RTN1: variants seen among roughly 807,000 people sequenced by gnomAD.
RTN1 encodes the protein reticulon 1, also known as reticulon-1.
Under a neutral mutation model 65.5 loss-of-function variants are expected in RTN1, and 25 were observed. That is an observed-to-expected ratio of 0.38 (90% CI 0.28 to 0.53). The LOEUF is 0.53. Among genes scored for constraint, RTN1 ranks in the 20% least tolerant of loss-of-function variants. The pLI is 0.79. For synonymous variants in RTN1, 471 were observed against 447.6 expected (o/e 1.05, Z -0.66); for missense variants, 983 against 1,025.4 (o/e 0.96, Z 0.57).
At chr14:59,817,167 T>A (rs1417497434) in intron 1 of RTN1, among the ~76,000 whole-genome samples, 1 of 152,152 alleles carries the variant, frequency 6.6e-6, no homozygotes, top group African/African-American at 2.4e-5. Flanking sequence ...ACGAGCGTGA[T>A]GGTCCCTGTT....
chr14:59,659,296 A>G (rs1397359641), intron 3 of RTN1, among the ~76,000 whole-genome samples: 1 of 152,234 alleles, frequency 6.6e-6, no homozygotes, highest in Non-Finnish European at 1.5e-5. Context: ...GGAGAATGGA[A>G]CCAAGTTGGA....
chr14:59,860,649 A>G (rs1188777427), intron 1 of RTN1, among the ~76,000 whole-genome samples: 3 of 152,206 alleles, frequency 2.0e-5, no homozygotes, highest in African/African-American at 7.2e-5. Context: ...GCCTATGAAA[A>G]GAGCCAGGAG....
chr14:59,688,528 T>C (rs1475986044), intron 3 of RTN1, among the ~76,000 whole-genome samples: 2 of 152,068 alleles, frequency 1.3e-5, no homozygotes, highest in Non-Finnish European at 2.9e-5. Context: ...GTGCACACCA[T>C]AAACCAGCCC....
At chr14:59,607,260 A>T in intron 4 of RTN1, 25 bp downstream of exon 4, 1 of 1,605,394 alleles carries the variant, frequency 6.2e-7, no homozygotes, top group East Asian at 2.2e-5. Flanking sequence ...TCAGTGGGTG[A>T]GGGCTCCTCA....
Position 59,746,557 on chromosome 14 carries a change from C to A in RTN1, c.242-76G>T, listed in dbSNP as rs894006137. The A allele has an allele frequency of 1.7e-5, 22 of 1,281,300 alleles. No homozygotes were observed. In the African/African-American group the frequency reaches 3.0e-4, roughly 17 times the overall value. The allele number at this position is 1,281,300 out of a possible 1,614,324, so 79.4% of individuals were successfully genotyped here. ...TCTCTCTTGTCTAACCCACCACCCACCCCTGCCTGGTGAAGACATGACATC... is the reference window on the plus strand; with the variant it reads ...TCTCTCTTGTCTAACCCACCACCCAACCCTGCCTGGTGAAGACATGACATC... On this transcript the variant is annotated intron_variant, in intron 1 of 8. Transcript: ENST00000267484.
chr14:59,715,841 T>C (rs919787701), intron 3 of RTN1, among the ~76,000 whole-genome samples: 14 of 108,056 alleles, frequency 1.3e-4, no homozygotes, highest in African/African-American at 7.7e-4. Context: ...AAAAAAAAAA[T>C]GTGGACCTAA....
chr14:59,605,266 A>G (rs1881705948), intron 5 of RTN1, 102 bp downstream of exon 5: 5 of 1,253,286 alleles, frequency 4.0e-6, no homozygotes, highest in Admixed American at 4.6e-5. Context: ...GAATATAATT[A>G]GCACTTGCTT....
chr14:59,828,908 C>G (rs1032822720), intron 1 of RTN1, among the ~76,000 whole-genome samples: 4 of 152,160 alleles, frequency 2.6e-5, no homozygotes, highest in Non-Finnish European at 5.9e-5. Context: ...CCTGTAAATG[C>G]AAGGTAGAAA....
In RTN1 at chr14:59,825,600, C is replaced by T. The variant is rs1197591599; in HGVS notation, c.241+44790G>A. 6.6e-6 allele frequency among the ~76,000 whole-genome samples: 1 copy of T among 152,200 alleles called. No individual in the cohort carries two copies. The highest frequency in any genetic ancestry group is 1.5e-5 in the Non-Finnish European group (1 of 68,040). On this transcript the variant is annotated intron_variant, in intron 1 of 8. Coordinates refer to ENST00000267484, the MANE Select transcript of RTN1 (RefSeq NM_021136.3). The surrounding 1 kb of genome is among the most constrained non-coding windows in gnomAD (Gnocchi z 4.2). ...CAGCTGGCCACAGCAGGGCCTTCTC[C>T]CAGAAGCACCCCTGCTGGAAGGCCA...
intron 1 of RTN1, among the ~76,000 whole-genome samples, chr14:59,864,841 C>T (rs376935582): frequency 3.7e-4 from 57 of 152,148 alleles, no homozygotes; most frequent in African/African-American, 1.3e-3. Flanking sequence ...ATTTTTAAAT[C>T]GGGACAAAAA....
At chr14:59,693,183 C>T (rs1435763648) in intron 3 of RTN1, among the ~76,000 whole-genome samples, 1 of 152,148 alleles carries the variant, frequency 6.6e-6, no homozygotes, top group Non-Finnish European at 1.5e-5. Flanking sequence ...GTTTGTAAGC[C>T]ACCCAGTCTA....
At chr14:59,782,298 G>C (rs1886170260) in intron 1 of RTN1, among the ~76,000 whole-genome samples, 1 of 152,096 alleles carries the variant, frequency 6.6e-6, no homozygotes. Context: ...CAGAAAAGTG[G>C]GTCATGAAGG....
chr14:59,750,529 T>C (rs1371068792), intron 1 of RTN1, among the ~76,000 whole-genome samples: 79 of 17,144 alleles, frequency 4.6e-3, no homozygotes, highest in African/African-American at 0.01. Flanking sequence ...ATCTATAATA[T>C]ATATAATATA....
chr14:59,651,841 G>T (rs1049665665), intron 3 of RTN1, among the ~76,000 whole-genome samples: 1 of 152,034 alleles, frequency 6.6e-6, no homozygotes, highest in African/African-American at 2.4e-5. Context: ...TGACAAATGG[G>T]ATCTAATTTA....
intron 1 of RTN1, among the ~76,000 whole-genome samples, chr14:59,756,989 CT>C (rs1259330312): frequency 1.5e-4 from 23 of 151,960 alleles, no homozygotes; most frequent in Admixed American, 1.5e-3. Context: ...GCATCTAGCT[CT>C]TTGTTTACAA....
At chr14:59,827,620 T>G (rs1465265882) in intron 1 of RTN1, among the ~76,000 whole-genome samples, 1 of 152,174 alleles carries the variant, frequency 6.6e-6, no homozygotes, top group African/African-American at 2.4e-5. Flanking sequence ...CTGTAACTGA[T>G]AATAAATCAG....
chr14:59,697,032 T>C (rs920822917), intron 3 of RTN1, among the ~76,000 whole-genome samples: 1 of 152,014 alleles, frequency 6.6e-6, no homozygotes, highest in African/African-American at 2.4e-5. Flanking sequence ...TTATTCACCC[T>C]TCTAGAGTCT....
At chr14:59,710,771 C>T (rs1884402213) in intron 3 of RTN1, among the ~76,000 whole-genome samples, 1 of 152,222 alleles carries the variant, frequency 6.6e-6, no homozygotes. Flanking sequence ...CACATTCTCT[C>T]ATCTCCCTGA....
rs970124546 is a variant in RTN1, at chr14:59,856,330, C to T, written c.241+14060G>A. Among the ~76,000 whole-genome samples the T allele has an allele frequency of 7.2e-5, 11 of 152,240 alleles. No homozygotes were observed. In the South Asian group the frequency reaches 2.3e-3, roughly 32 times the overall value. ...GACTAGCCTGCAGATTCCCACAAGCCCACAGGGCCAGTTGATTTAGCCCTG... is the reference window on the plus strand; with the variant it reads ...GACTAGCCTGCAGATTCCCACAAGCTCACAGGGCCAGTTGATTTAGCCCTG... On this transcript the variant is annotated intron_variant, in intron 1 of 8. Coordinates refer to ENST00000267484, the MANE Select transcript of RTN1 (RefSeq NM_021136.3).
Sources: gnomAD v4.1 joint callset for allele counts (sites outside exome capture counted in the v4.1 genomes callset) on GRCh38, gnomAD v4.1.1 for gene constraint, Gnocchi (gnomAD v3.1) non-coding constraint, MANE v1.5 for transcripts, NCBI Gene and HGNC (gene_info 2026-07-23, HGNC 2026-07-21) for gene names.